Variants in PIWIL1 observed in about 807,000 individuals in gnomAD.
PIWIL1 encodes piwi like RNA-mediated gene silencing 1, also known as piwi-like protein 1.
A neutral mutation model predicts 114.4 loss-of-function variants in PIWIL1; 73 were observed. The observed-to-expected ratio is 0.64, with a 90% CI of 0.53 to 0.78. The LOEUF (loss-of-function observed/expected upper bound fraction) is 0.78. PIWIL1 is among the 30% of genes least tolerant of loss of function. The probability of loss-of-function intolerance (pLI) is 0.00; values close to 1 mark genes in which losing one functional copy is unlikely to be tolerated. For missense variants in PIWIL1, 723 were observed against 1,063.1 expected (o/e 0.68, Z 4.45); for synonymous variants, 375 against 369.0 (o/e 1.02, Z -0.19).
chr12:130,377,966 A>G, the PIWIL1 span, among the ~76,000 whole-genome samples: 2 of 152,200 alleles, frequency 1.3e-5, no homozygotes, highest in African/African-American at 4.8e-5. Context: ...CTTTAATGCT[A>G]TTCTCCCTGA....
chr12:130,355,037 C>A (rs1474104978), intron 11 of PIWIL1, 32 bp downstream of exon 11: 1 of 1,340,612 alleles, frequency 7.5e-7, no homozygotes, highest in Non-Finnish European at 1.1e-6. Flanking sequence ...GGCAGGGTTT[C>A]AGTTTTGTGT....
the PIWIL1 span, among the ~76,000 whole-genome samples, chr12:130,418,112 G>GA: frequency 6.6e-6 from 1 of 152,176 alleles, no homozygotes; most frequent in East Asian, 1.9e-4. Context: ...TCTTTCACCA[G>GA]AAAAAATAAA....
chr12:130,405,567 C>G, the PIWIL1 span, among the ~76,000 whole-genome samples: 1 of 151,970 alleles, frequency 6.6e-6, no homozygotes, highest in African/African-American at 2.4e-5. Context: ...ATAACCCCAC[C>G]CCATTCCCTC....
the PIWIL1 span, among the ~76,000 whole-genome samples, chr12:130,393,824 G>T: frequency 0.035 from 5,382 of 152,266 alleles, 170 homozygotes; most frequent in South Asian, 0.13. Context: ...GGCCAAGTGC[G>T]TAAGACACAC....
At chr12:130,402,960 G>A in the PIWIL1 span, among the ~76,000 whole-genome samples, 1 of 152,210 alleles carries the variant, frequency 6.6e-6, no homozygotes, top group Non-Finnish European at 1.5e-5. Context: ...AATGGGGGCT[G>A]ATGTAAATTA....
chr12:130,402,441 C>T, the PIWIL1 span, among the ~76,000 whole-genome samples: 1 of 152,098 alleles, frequency 6.6e-6, no homozygotes, highest in East Asian at 1.9e-4. Context: ...TGACGTATTT[C>T]GGGCCATGTT....
intron 9 of PIWIL1, among the ~76,000 whole-genome samples, chr12:130,353,271 G>A (rs2073265671): frequency 7.0e-6 from 1 of 142,182 alleles, no homozygotes; most frequent in Admixed American, 7.0e-5. Flanking sequence ...CAGTGGAGGT[G>A]TGTGTGTGGT....
Position 130,347,036 on chromosome 12 carries a change from G to A in PIWIL1, c.627G>A (p.Leu209=), listed in dbSNP as rs1470998693. 5.6e-6 allele frequency: 9 copies of A among 1,613,044 alleles called. No individual in the cohort carries two copies. Among genetic ancestry groups the A allele is most frequent in the Non-Finnish European group, 7.6e-6 (9 of 1,179,342 alleles). The change falls in exon 6 of 21, where the codon TTG becomes TTA. Residue 209 remains leucine, a synonymous_variant. Transcript: ENST00000245255. ...NELPPTSPTC[L]QFYNIIFRRL... ...TTCCACCTACATCACCAACTTGTTT[G>A]CAGTTCTATAATATTATTTTCAGGA... is the stretch of plus-strand genomic sequence containing the variant.
the PIWIL1 span, chr12:130,397,366 T>G: frequency 2.5e-5 from 10 of 398,940 alleles, no homozygotes; most frequent in Non-Finnish European, 8.8e-6. Context: ...ATGAATCATT[T>G]CACTGCACCC....
intron 9 of PIWIL1, chr12:130,351,343 T>TTTAC (rs2073204955): frequency 6.6e-6 from 1 of 152,100 alleles, no homozygotes; most frequent in Admixed American, 6.5e-5. Flanking sequence ...CCAGACCCCT[T>TTTAC]TTACTATATG....
At chr12:130,405,403 G>C in the PIWIL1 span, among the ~76,000 whole-genome samples, 1 of 152,178 alleles carries the variant, frequency 6.6e-6, no homozygotes, top group Non-Finnish European at 1.5e-5. Flanking sequence ...AGTTCTTGCC[G>C]ATTCTGATAA....
chr12:130,425,699 A>C, the PIWIL1 span: 1 of 152,384 alleles, frequency 6.6e-6, no homozygotes, highest in Non-Finnish European at 1.5e-5. Flanking sequence ...CTCTACCCAA[A>C]GAGCATGAAG....
chr12:130,375,912 T>C (rs958873665), downstream of PIWIL1, among the ~76,000 whole-genome samples: 2 of 152,166 alleles, frequency 1.3e-5, no homozygotes, highest in African/African-American at 4.8e-5. Flanking sequence ...CTGCCTGGCT[T>C]CCACGATGCC....
chr12:130,375,527 C>T (rs1277764204), downstream of PIWIL1, among the ~76,000 whole-genome samples: 2 of 152,202 alleles, frequency 1.3e-5, no homozygotes, highest in Non-Finnish European at 2.9e-5. Flanking sequence ...TGTGGCGGCA[C>T]GCACGGTCTG....
chr12:130,395,736 G>T, the PIWIL1 span, among the ~76,000 whole-genome samples: 2 of 152,026 alleles, frequency 1.3e-5, no homozygotes, highest in African/African-American at 4.8e-5. Context: ...GACATCATCT[G>T]GTTACTTGGA....
the PIWIL1 span, among the ~76,000 whole-genome samples, chr12:130,395,508 A>G: frequency 6.6e-6 from 1 of 152,226 alleles, no homozygotes; most frequent in Non-Finnish European, 1.5e-5. Flanking sequence ...CTACATTTTC[A>G]TACTTTGGGG....
chr12:130,413,153 G>C, the PIWIL1 span, among the ~76,000 whole-genome samples: 1 of 152,166 alleles, frequency 6.6e-6, no homozygotes, highest in Non-Finnish European at 1.5e-5. Flanking sequence ...TGGTGTTTCT[G>C]TCTGCCTGAA....
At chr12:130,414,390 TG>T in the PIWIL1 span, 1 of 1,360,238 alleles carries the variant, frequency 7.4e-7, no homozygotes, top group Non-Finnish European at 1.0e-6. Context: ...TGGAAAGCAG[TG>T]AGGATGGCAG....
At chr12:130,348,063 A>T in intron 6 of PIWIL1, 40 bp from the exon 7 acceptor site, 1 of 1,294,712 alleles carries the variant, frequency 7.7e-7, no homozygotes, top group Non-Finnish European at 1.1e-6. Flanking sequence ...CGTATTAGAG[A>T]TACTTATCAA....
Sources: gnomAD v4.1 joint callset for allele counts (sites outside exome capture counted in the v4.1 genomes callset) on GRCh38, gnomAD v4.1.1 for gene constraint, MANE v1.5 for transcripts, NCBI Gene and HGNC (gene_info 2026-07-23, HGNC 2026-07-21) for gene names.